The following HCN1 variants were observed in gnomAD, a reference collection of about 807,000 sequenced individuals.
The protein encoded by HCN1 is hyperpolarization activated cyclic nucleotide gated potassium channel 1.
A neutral mutation model predicts 78.9 loss-of-function variants in HCN1; 13 were observed. That is an observed-to-expected ratio of 0.16 (90% CI 0.11 to 0.26). The LOEUF is 0.26. Ranked by LOEUF, HCN1 falls within the 10% of genes least tolerant of loss-of-function variation. HCN1 has a pLI of 1.00. For missense variants in HCN1, 810 were observed against 1,154.3 expected, an observed-to-expected ratio of 0.70 and a Z score of 4.32; for synonymous variants, 552 against 455.5, an observed-to-expected ratio of 1.21 and a Z score of -2.70.
chr5:45,452,984 T>C (rs548186881), intron 3 of HCN1, among the ~76,000 whole-genome samples: 2 of 152,142 alleles, frequency 1.3e-5, no homozygotes, highest in South Asian at 4.1e-4. Context: ...CATATATCTC[T>C]AGAGTAGCAT....
chr5:45,288,617 C>A (rs900920500), intron 6 of HCN1, among the ~76,000 whole-genome samples: 6 of 151,918 alleles, frequency 3.9e-5, no homozygotes, highest in African/African-American at 1.4e-4. Context: ...CCTCCTAATC[C>A]TTTTATAGTT....
At chr5:45,624,058 G>A (rs190597661) in intron 2 of HCN1, among the ~76,000 whole-genome samples, 63 of 152,248 alleles carry the variant, frequency 4.1e-4, no homozygotes, top group Non-Finnish European at 6.2e-4. Flanking sequence ...GTGGCTAGAG[G>A]AAATAAACAA....
chr5:45,295,456 A>G (rs567232991), intron 6 of HCN1, among the ~76,000 whole-genome samples: 1 of 152,088 alleles, frequency 6.6e-6, no homozygotes, highest in African/African-American at 2.4e-5. Context: ...CTGCTACAAC[A>G]CTACGTAAGA....
chr5:45,568,134 A>C (rs1389605497), intron 2 of HCN1, among the ~76,000 whole-genome samples: 2 of 152,056 alleles, frequency 1.3e-5, no homozygotes, highest in African/African-American at 2.4e-5. Flanking sequence ...GTCATCAGTA[A>C]CATTTGTAAT....
At chr5:45,301,045 T>A (rs1038313283) in intron 6 of HCN1, among the ~76,000 whole-genome samples, 2 of 152,078 alleles carry the variant, frequency 1.3e-5, no homozygotes, top group Non-Finnish European at 2.9e-5. Context: ...TCAGCCATAA[T>A]AGATTAATGG....
chr5:45,538,673 C>T (rs2111820494), intron 2 of HCN1, among the ~76,000 whole-genome samples: 1 of 151,854 alleles, frequency 6.6e-6, no homozygotes, highest in Admixed American at 6.6e-5. Context: ...TTAAAAATAC[C>T]CAAATTGTAT....
At chr5:45,268,224 A>G (rs955134638) in intron 6 of HCN1, among the ~76,000 whole-genome samples, 1 of 152,230 alleles carries the variant, frequency 6.6e-6, no homozygotes, top group African/African-American at 2.4e-5. Flanking sequence ...TAGATTTCCA[A>G]AATATGGTAA....
chr5:45,313,940 T>C (rs886411383), intron 5 of HCN1, among the ~76,000 whole-genome samples: 18 of 152,100 alleles, frequency 1.2e-4, no homozygotes, highest in South Asian at 1.0e-3. Context: ...TGGAAAACAC[T>C]CTGCAGGATA....
chr5:45,410,125 C>G (rs1353104888), intron 3 of HCN1, among the ~76,000 whole-genome samples: 1 of 151,906 alleles, frequency 6.6e-6, no homozygotes, highest in African/African-American at 2.4e-5. Context: ...TTGCATAGAT[C>G]TCTTACAAGG....
intron 2 of HCN1, among the ~76,000 whole-genome samples, chr5:45,560,239 A>T (rs963980403): frequency 1.8e-4 from 28 of 152,158 alleles, no homozygotes; most frequent in Admixed American, 1.8e-3. Flanking sequence ...GTATACGTAT[A>T]TAATGTTTGT....
chr5:45,470,137 T>C (rs772096611), intron 2 of HCN1, among the ~76,000 whole-genome samples: 11 of 152,052 alleles, frequency 7.2e-5, no homozygotes, highest in African/African-American at 9.7e-5. Context: ...ACATCATGCA[T>C]TGGCACAGCA....
chr5:45,579,217 T>C (rs1042401272), intron 2 of HCN1, among the ~76,000 whole-genome samples: 9 of 152,212 alleles, frequency 5.9e-5, no homozygotes, highest in African/African-American at 2.2e-4. Flanking sequence ...AGTTTACAAA[T>C]GACAAACGGA....
At chr5:45,420,347 T>C (rs1284176815) in intron 3 of HCN1, among the ~76,000 whole-genome samples, 1 of 152,148 alleles carries the variant, frequency 6.6e-6, no homozygotes, top group East Asian at 1.9e-4. Flanking sequence ...ACATATGATT[T>C]ATACATTTTG....
chr5:45,605,504 A>T (rs943281130), intron 2 of HCN1, among the ~76,000 whole-genome samples: 2 of 151,544 alleles, frequency 1.3e-5, no homozygotes, highest in Admixed American at 1.3e-4. Flanking sequence ...TAGTTCTCAG[A>T]CTAATGGTAA....
At chr5:45,410,329 T>C (rs757749095) in intron 3 of HCN1, among the ~76,000 whole-genome samples, 6 of 151,982 alleles carry the variant, frequency 3.9e-5, no homozygotes, top group Non-Finnish European at 7.4e-5. Flanking sequence ...CTAATTATTA[T>C]TGTAATCTAT....
At chr5:45,600,912 T>C (rs991725565) in intron 2 of HCN1, among the ~76,000 whole-genome samples, 1 of 152,116 alleles carries the variant, frequency 6.6e-6, no homozygotes, top group Non-Finnish European at 1.5e-5. Flanking sequence ...AACTGTTGTC[T>C]GTGAAGAAAA....
At chr5:45,550,377 T>C (rs988044975) in intron 2 of HCN1, among the ~76,000 whole-genome samples, 1 of 152,160 alleles carries the variant, frequency 6.6e-6, no homozygotes, top group African/African-American at 2.4e-5. Flanking sequence ...ACCATCATTC[T>C]CAGCAAACTA....
chr5:45,319,212 C>G (rs1246422693), intron 5 of HCN1, among the ~76,000 whole-genome samples: 1 of 151,820 alleles, frequency 6.6e-6, no homozygotes, highest in Non-Finnish European at 1.5e-5. Context: ...GAGTGTACAC[C>G]ATATATTGGA....
rs1361503949 is a variant in HCN1 at position 45,584,288 on chromosome 5, CTTCT to C, written c.849+60893_849+60896del. Among the ~76,000 whole-genome samples the C allele has an allele frequency of 6.6e-5, 10 of 151,434 alleles. No individual in the cohort carries two copies. In the East Asian group the frequency reaches 9.7e-4, roughly 15 times the overall value. On this transcript the variant is annotated intron_variant, in intron 2 of 7. Coordinates refer to ENST00000303230, the MANE Select transcript of HCN1 (RefSeq NM_021072.4). Reference sequence around the variant, plus strand: ...GATCCCTTTACCATTATGTAATGGCCTTCTTTGTCTCTTTTGATCTTTGTTGGTT... The same window carrying C: ...GATCCCTTTACCATTATGTAATGGCCTTGTCTCTTTTGATCTTTGTTGGTT...
Sources: gnomAD v4.1 joint callset for allele counts (sites outside exome capture counted in the v4.1 genomes callset) on GRCh38, gnomAD v4.1.1 for gene constraint, MANE v1.5 for transcripts, NCBI Gene and HGNC (gene_info 2026-07-23, HGNC 2026-07-21) for gene names.